Variants in GAP43 observed in about 807,000 individuals in gnomAD.
GAP43 encodes the protein growth associated protein 43.
Under a neutral mutation model 18.6 loss-of-function variants are expected in GAP43, and 6 were observed. The ratio of observed to expected loss-of-function variants is 0.32; its 90% CI spans 0.18 to 0.64. GAP43 has a LOEUF of 0.64. Among genes scored for constraint, GAP43 ranks in the 30% least tolerant of loss-of-function variants. The pLI, the probability that GAP43 is intolerant of heterozygous loss-of-function variation, is 0.78. For missense variants in GAP43, 292 were observed against 295.5 expected, an observed-to-expected ratio of 0.99 and a Z score of 0.09; for synonymous variants, 115 against 111.4, an observed-to-expected ratio of 1.03 and a Z score of -0.20.
intron 1 of GAP43, among the ~76,000 whole-genome samples, chr3:115,675,596 A>G (rs1455044526): frequency 1.3e-5 from 2 of 151,932 alleles, no homozygotes; most frequent in Non-Finnish European, 2.9e-5. Flanking sequence ...CCCCGTCTCT[A>G]CAAAATACAA....
At chr3:115,648,298 G>A (rs992600674) in intron 1 of GAP43, among the ~76,000 whole-genome samples, 2 of 151,764 alleles carry the variant, frequency 1.3e-5, no homozygotes, top group Admixed American at 6.6e-5. Flanking sequence ...TGCTGTCCTC[G>A]CCTCTGAGAC....
chr3:115,665,254 C>G (rs181849685), intron 1 of GAP43, among the ~76,000 whole-genome samples: 120 of 152,284 alleles, frequency 7.9e-4, no homozygotes, highest in Admixed American at 2.0e-3. Flanking sequence ...GGAGCCACCC[C>G]CTTCAGAATA....
intron 1 of GAP43, among the ~76,000 whole-genome samples, chr3:115,630,117 C>A (rs952105223): frequency 2.0e-5 from 3 of 152,172 alleles, no homozygotes; most frequent in Non-Finnish European, 4.4e-5. Flanking sequence ...TACTTTGAGG[C>A]TCCAAGTACT....
intron 1 of GAP43, among the ~76,000 whole-genome samples, chr3:115,627,903 G>C (rs866144189): frequency 6.6e-5 from 10 of 152,110 alleles, no homozygotes; most frequent in African/African-American, 2.2e-4. Context: ...TGAGTCCTTA[G>C]TGGAGGCCAC....
chr3:115,663,954 A>C lies in GAP43; in HGVS notation c.31-12059A>C, dbSNP rs146731442. On this transcript the variant is annotated intron_variant, in intron 1 of 2. Transcript: ENST00000305124. ...CACATGTAACCTATACAAGTATTTT[A>C]GGTTAAAACCCTGACTCTGCCACTT... is the stretch of plus-strand genomic sequence containing the variant. 185 of 1,545,138 alleles carry C rather than the reference A, an allele frequency of 1.2e-4. 2 individuals are homozygous for C. The African/African-American group carries it at 2.0e-3, about 17-fold the overall frequency.
intron 1 of GAP43, among the ~76,000 whole-genome samples, chr3:115,624,952 T>C (rs1034148474): frequency 6.6e-6 from 1 of 151,202 alleles, no homozygotes. Flanking sequence ...CGCAGACTGA[T>C]TGCCTTAGGG....
At chr3:115,673,861 T>C (rs1310741418) in intron 1 of GAP43, among the ~76,000 whole-genome samples, 1 of 152,212 alleles carries the variant, frequency 6.6e-6, no homozygotes, top group East Asian at 1.9e-4. Flanking sequence ...TATACATGCA[T>C]GGTTAACTAA....
At chr3:115,681,043 G>A (rs1708952855) in intron 2 of GAP43, among the ~76,000 whole-genome samples, 2 of 152,116 alleles carry the variant, frequency 1.3e-5, no homozygotes, top group African/African-American at 2.4e-5. Flanking sequence ...AACTCACAAA[G>A]AATGAAAATT....
At chr3:115,696,592 C>A (rs571783374) in intron 2 of GAP43, among the ~76,000 whole-genome samples, 5 of 127,042 alleles carry the variant, frequency 3.9e-5, no homozygotes, top group Non-Finnish European at 6.7e-5. Flanking sequence ...CCCCCCCCCA[C>A]AAACAGGTAT....
At chr3:115,642,975 T>C (rs1289939292) in intron 1 of GAP43, among the ~76,000 whole-genome samples, 1 of 152,108 alleles carries the variant, frequency 6.6e-6, no homozygotes, top group Non-Finnish European at 1.5e-5. Context: ...GAGTTATGAA[T>C]GCCACTGACT....
Position 115,661,307 on chromosome 3 carries a change from G to A in GAP43, c.31-14706G>A, listed in dbSNP as rs185990297. ...TCTATCCTGCACTTCTGCATGTGAC[G>A]CCTAGATTTAGCTGTAAGTGCCTTT... On this transcript the variant is annotated intron_variant, in intron 1 of 2. Coordinates refer to ENST00000305124, the MANE Select transcript of GAP43 (RefSeq NM_002045.4). 1.2e-4 allele frequency: 18 copies of A among 152,104 alleles called. No individual in the cohort carries two copies. The East Asian group carries it at 1.6e-3, about 13-fold the overall frequency. The allele number at this position is 152,104 out of a possible 1,614,324, so 9.4% of individuals were successfully genotyped here. A position where few individuals can be genotyped will look rare whatever the true frequency, so the allele number is the denominator to read the frequency against.
chr3:115,647,061 T>C (rs943490829), intron 1 of GAP43, among the ~76,000 whole-genome samples: 1 of 152,044 alleles, frequency 6.6e-6, no homozygotes, highest in Non-Finnish European at 1.5e-5. Context: ...GGATTACATC[T>C]GGGATTACTA....
In GAP43 at chr3:115,676,381, G is replaced by A. The variant is rs1340378768; in HGVS notation, c.399G>A (p.Glu133=). The stretch of plus-strand genomic sequence containing the variant: ...CCCAGGCTCCTGCATCCTCAGAGGA[G>A]AAGGCCGGCTCAGCTGAGACAGAAA... ...AAPQAPASSE[E]KAGSAETESA... is the part of the protein sequence containing the mutation. The change falls in exon 2 of 3, where the codon GAG becomes GAA. Residue 133 remains glutamate (E), a synonymous_variant. Coordinates refer to ENST00000305124, the MANE Select transcript of GAP43 (RefSeq NM_002045.4). 1.9e-6 allele frequency: 3 copies of A among 1,614,092 alleles called. No individual in the cohort carries two copies. The highest frequency in any genetic ancestry group is 3.3e-5 in the Admixed American group (2 of 60,014).
chr3:115,708,507 T>C (rs1430920998), intron 2 of GAP43, among the ~76,000 whole-genome samples: 1 of 152,142 alleles, frequency 6.6e-6, no homozygotes, highest in Non-Finnish European at 1.5e-5. Flanking sequence ...TGGTGCAAAC[T>C]TATAAGAGAG....
rs560174245 is a variant in GAP43, at chr3:115,691,469, C to T, written c.628+14859C>T. Among the ~76,000 whole-genome samples, 157 of 152,164 alleles carry T rather than the reference C, an allele frequency of 1.0e-3. 1 individual carries two copies. Among genetic ancestry groups the T allele is most frequent in the African/African-American group, 3.7e-3 (153 of 41,502 alleles). On this transcript the variant is annotated intron_variant, in intron 2 of 2. Transcript: ENST00000305124. ...CCTCATTGCTGAACTTGGTGGTTGT[C>T]GGTATTAAATAGATCATGTGTAAAA...
Position 115,631,826 on chromosome 3 carries a change from G to A in GAP43, c.30+8107G>A, listed in dbSNP as rs139133225. 7.5e-4 allele frequency among the ~76,000 whole-genome samples: 114 copies of A among 152,252 alleles called. 3 individuals carry two copies. The East Asian group carries it at 0.019, about 25-fold the overall frequency. On this transcript the variant is annotated intron_variant, in intron 1 of 2. Coordinates refer to ENST00000305124, the MANE Select transcript of GAP43 (RefSeq NM_002045.4). ...AGTAGAGACAAGGTTTCACCATGTT[G>A]CCCAGGCTGGTCTTGAACTGCTGAG... is the stretch of plus-strand genomic sequence containing the variant.
At chr3:115,698,549 G>C (rs1709254657) in intron 2 of GAP43, among the ~76,000 whole-genome samples, 1 of 151,040 alleles carries the variant, frequency 6.6e-6, no homozygotes, top group South Asian at 2.1e-4. Flanking sequence ...GGTGAGAAAA[G>C]GCTGCTTATG....
Position 115,709,625 on chromosome 3 carries a change from G to A in GAP43, c.629-11169G>A, listed in dbSNP as rs368905206. Reference sequence around the variant, plus strand: ...ATAAATTTGCTTATTTCACTCTAAGGCCTATGTCAAAGAATATATGCTAAT... The same window carrying A: ...ATAAATTTGCTTATTTCACTCTAAGACCTATGTCAAAGAATATATGCTAAT... On this transcript the variant is annotated intron_variant, in intron 2 of 2. Coordinates refer to ENST00000305124, the MANE Select transcript of GAP43 (RefSeq NM_002045.4). Among the ~76,000 whole-genome samples the A allele has an allele frequency of 1.1e-4, 17 of 152,170 alleles. No homozygotes were observed. The East Asian group carries it at 3.3e-3, about 29-fold the overall frequency.
intron 2 of GAP43, among the ~76,000 whole-genome samples, chr3:115,684,987 T>G (rs1053940383): frequency 6.6e-6 from 1 of 152,206 alleles, no homozygotes; most frequent in Non-Finnish European, 1.5e-5. Context: ...CTTTTTAACC[T>G]TCAGTGGAAA....
Sources: gnomAD v4.1 joint callset for allele counts (sites outside exome capture counted in the v4.1 genomes callset) on GRCh38, gnomAD v4.1.1 for gene constraint, MANE v1.5 for transcripts, NCBI Gene and HGNC (gene_info 2026-07-23, HGNC 2026-07-21) for gene names.